Variants in DENND4A observed in about 807,000 individuals in gnomAD.
The protein encoded by DENND4A is C-myc promoter-binding protein.
Under a neutral mutation model 199.3 loss-of-function variants are expected in DENND4A, and 70 were observed. The ratio of observed to expected loss-of-function variants is 0.35; its 90% confidence interval spans 0.29 to 0.43. The LOEUF is 0.43. Ranked by LOEUF, DENND4A falls within the 20% of genes least tolerant of loss-of-function variation. DENND4A has a pLI of 1.00. For synonymous variants in DENND4A, 686 were observed against 766.9 expected, an observed-to-expected ratio of 0.89 and a Z score of 1.74; for missense variants, 1,723 against 2,255.8, an observed-to-expected ratio of 0.76 and a Z score of 4.78.
At position 65,691,471 on chromosome 15, in the gene DENND4A, A is replaced by G. The variant is rs762815054; in HGVS notation, c.3123T>C (p.Asp1041=). The part of the protein sequence containing the change: ...PELLLISSLE[D]TNETRNIQSR... Reference sequence around the variant, plus strand: ...TTTGAATGTTTCGTGTTTCATTTGTATCTTCAAGAGATGATATTAAGAGCA... The same window carrying G: ...TTTGAATGTTTCGTGTTTCATTTGTGTCTTCAAGAGATGATATTAAGAGCA... Residue 1041 remains aspartate, a synonymous_variant, in exon 23 of 33, where the codon GAT becomes GAC. Transcript: ENST00000443035. 204 of 1,611,632 alleles carry G rather than the reference A, an allele frequency of 1.3e-4. No homozygotes were observed. The highest frequency in any genetic ancestry group is 1.5e-4 in the Non-Finnish European group (176 of 1,178,830).
intron 4 of DENND4A, among the ~76,000 whole-genome samples, chr15:65,743,430 A>G (rs544076686): frequency 1.3e-5 from 2 of 152,242 alleles, no homozygotes; most frequent in Non-Finnish European, 2.9e-5. Flanking sequence ...TATCTGAATG[A>G]TTAACTTCCT....
chr15:65,699,630 T>C (rs1371578976), intron 20 of DENND4A, among the ~76,000 whole-genome samples: 1 of 148,878 alleles, frequency 6.7e-6, no homozygotes, highest in African/African-American at 2.4e-5. Context: ...GTTATACATA[T>C]ACTACTACAC....
intron 1 of DENND4A, among the ~76,000 whole-genome samples, chr15:65,775,218 T>G (rs553088598): frequency 1.3e-5 from 2 of 152,068 alleles, no homozygotes; most frequent in Non-Finnish European, 2.9e-5. Flanking sequence ...TGATTGCTCA[T>G]GCCTGTGGTC....
intron 12 of DENND4A, 87 bp downstream of exon 12, chr15:65,722,761 A>G: frequency 9.6e-7 from 1 of 1,041,452 alleles, no homozygotes. Flanking sequence ...TCTGCTAGAT[A>G]AACATTATTC....
Position 65,661,039 on chromosome 15 carries a change from A to G in DENND4A, c.*812T>C, listed in dbSNP as rs2075831054. The G allele has an allele frequency of 6.6e-6, 1 of 152,188 alleles. No homozygotes were observed. The highest frequency in any genetic ancestry group is 2.1e-4 in the South Asian group (1 of 4,832). The allele number at this position is 152,188 out of a possible 1,614,324, so 9.4% of individuals were successfully genotyped here. A position where few individuals can be genotyped will look rare whatever the true frequency, so the allele number is the denominator to read the frequency against. On this transcript the variant is annotated 3_prime_UTR_variant, in exon 33 of 33. Coordinates refer to ENST00000443035, the MANE Select transcript of DENND4A (RefSeq NM_001320835.1). ...TTTTCCCTGTATACTATACGTATCT[A>G]TTAGCAATAGAGACAATTTTGGAGT...
At chr15:65,781,875 G>A (rs1314079320) in intron 1 of DENND4A, among the ~76,000 whole-genome samples, 1 of 152,154 alleles carries the variant, frequency 6.6e-6, no homozygotes, top group African/African-American at 2.4e-5. Flanking sequence ...CACTGTTTAT[G>A]GGACAGGCAG....
chr15:65,716,619 C>A (rs1242730560), intron 13 of DENND4A, among the ~76,000 whole-genome samples: 1 of 152,020 alleles, frequency 6.6e-6, no homozygotes, highest in East Asian at 1.9e-4. Flanking sequence ...TATATACGTG[C>A]CACATTTTCT....
Position 65,722,885 on chromosome 15 carries a change from C to T in DENND4A, c.1551G>A (p.Met517Ile). 1 of 1,609,542 alleles carries T rather than the reference C, an allele frequency of 6.2e-7. No individual in the cohort carries two copies. Among genetic ancestry groups the T allele is most frequent in the Non-Finnish European group, 8.5e-7 (1 of 1,178,194 alleles). Residue 517 changes from methionine to isoleucine, a missense_variant, in exon 12 of 33, where the codon ATG (methionine) becomes ATA (isoleucine). Coordinates refer to ENST00000443035, the MANE Select transcript of DENND4A (RefSeq NM_001320835.1). Reference sequence around the variant, plus strand: ...GCTGATGCAAATTATTCAGTGTGTTCATCAGATTTTTACATGGCTTCTTTG... The same window carrying T: ...GCTGATGCAAATTATTCAGTGTGTTTATCAGATTTTTACATGGCTTCTTTG... ...ILPKKPCKNL[M>I]NTLNNLHQQL...
intron 23 of DENND4A, among the ~76,000 whole-genome samples, chr15:65,686,282 T>C (rs1302824077): frequency 6.6e-6 from 1 of 151,932 alleles, no homozygotes; most frequent in African/African-American, 2.4e-5. Context: ...TAGCCAAACA[T>C]AGTTTATCTT....
chr15:65,672,966 T>G (rs927259805), intron 24 of DENND4A, among the ~76,000 whole-genome samples: 2 of 151,704 alleles, frequency 1.3e-5, no homozygotes, highest in African/African-American at 4.8e-5. Context: ...GTTCAAGCAA[T>G]TCTCCTGCCT....
chr15:65,671,445 A>G (rs1024433386), intron 25 of DENND4A, among the ~76,000 whole-genome samples: 5 of 152,176 alleles, frequency 3.3e-5, no homozygotes, highest in Non-Finnish European at 7.3e-5. Context: ...GCTAGAGTGC[A>G]GTGGCGTGAT....
intron 22 of DENND4A, among the ~76,000 whole-genome samples, chr15:65,692,988 T>A (rs530239027): frequency 6.6e-6 from 1 of 152,276 alleles, no homozygotes; most frequent in Non-Finnish European, 1.5e-5. Flanking sequence ...TGCAAAGGGT[T>A]GTAAAAATCA....
chr15:65,738,586 A>G (rs1417874989), intron 6 of DENND4A, 120 bp downstream of exon 6: 2 of 825,362 alleles, frequency 2.4e-6, no homozygotes, highest in Non-Finnish European at 3.6e-6. Flanking sequence ...ATTTTAATCA[A>G]CTGGAAAAGT....
In DENND4A at chr15:65,715,352, G is replaced by A. The variant is rs1284685058; in HGVS notation, c.1953+126C>T. The A allele has an allele frequency of 3.2e-5, 30 of 925,024 alleles. No individual in the cohort carries two copies. The Middle Eastern group carries it at 1.3e-3, about 41-fold the overall frequency. 57.3% of individuals were successfully genotyped at this position (925,024 alleles called of 1,614,324 possible). On this transcript the variant is annotated intron_variant, in intron 14 of 32. Coordinates refer to ENST00000443035, the MANE Select transcript of DENND4A (RefSeq NM_001320835.1). Reference sequence around the variant, plus strand: ...GCAGGCTACCAAAACTTTCATTTAAGTGGTCAACGATGAAAATGAAATTAA... The same window carrying A: ...GCAGGCTACCAAAACTTTCATTTAAATGGTCAACGATGAAAATGAAATTAA...
intron 1 of DENND4A, chr15:65,772,119 G>T: frequency 1.2e-6 from 1 of 846,536 alleles, no homozygotes; most frequent in African/African-American, 1.7e-5. Context: ...ACATTTCTCA[G>T]CTTCATCCCT....
intron 21 of DENND4A, chr15:65,696,975 T>C (rs2077166681): frequency 6.5e-6 from 2 of 306,970 alleles, no homozygotes; most frequent in Admixed American, 4.2e-5. Context: ...AAAAAAGAAA[T>C]AGTTTCAAGA....
At chr15:65,780,124 T>C (rs530156526) in intron 1 of DENND4A, among the ~76,000 whole-genome samples, 2 of 152,068 alleles carry the variant, frequency 1.3e-5, no homozygotes, top group Non-Finnish European at 2.9e-5. Context: ...TTTAATGACA[T>C]ATTGCGGGCT....
intron 12 of DENND4A, among the ~76,000 whole-genome samples, chr15:65,721,593 T>TAAA (rs71447857): frequency 7.6e-6 from 1 of 131,572 alleles, no homozygotes; most frequent in Non-Finnish European, 1.6e-5. Flanking sequence ...TGACTCCACT[T>TAAA]AAAAAAAAAA....
chr15:65,683,002 C>T (rs1353406644), intron 23 of DENND4A, among the ~76,000 whole-genome samples: 1 of 152,052 alleles, frequency 6.6e-6, no homozygotes, highest in African/African-American at 2.4e-5. Flanking sequence ...TCACAAGTCA[C>T]CATAACAGAT....
Sources: gnomAD v4.1 joint callset for allele counts (sites outside exome capture counted in the v4.1 genomes callset) on GRCh38, gnomAD v4.1.1 for gene constraint, MANE v1.5 for transcripts, NCBI Gene and HGNC (gene_info 2026-07-23, HGNC 2026-07-21) for gene names.